Variants in B3GALT1 observed in about 807,000 individuals in gnomAD.
B3GALT1 encodes the protein UDP-Gal:betaGlcNAc beta 1,3-galactosyltransferase, polypeptide 1.
B3GALT1 carries 10 observed loss-of-function variants against 23.2 expected under a neutral mutation model. The ratio of observed to expected loss-of-function variants is 0.43; its 90% CI spans 0.27 to 0.73. The LOEUF (loss-of-function observed/expected upper bound fraction) is 0.73. Among genes scored for constraint, B3GALT1 ranks in the 30% least tolerant of loss-of-function variants. The pLI, the probability that B3GALT1 is intolerant of heterozygous loss-of-function variation, is 0.21. For missense variants in B3GALT1, 299 were observed against 405.4 expected, an observed-to-expected ratio of 0.74 and a Z score of 2.25; for synonymous variants, 156 against 141.5, an observed-to-expected ratio of 1.10 and a Z score of -0.73.
intron 1 of B3GALT1, among the ~76,000 whole-genome samples, chr2:167,440,749 G>C (rs980876431): frequency 1.3e-5 from 2 of 151,400 alleles, no homozygotes; most frequent in Non-Finnish European, 2.9e-5. Flanking sequence ...CTAGTTATTT[G>C]ATCTCTAAAA....
intron 2 of B3GALT1, among the ~76,000 whole-genome samples, chr2:167,564,011 C>A (rs1192662397): frequency 8.7e-5 from 13 of 149,864 alleles, no homozygotes; most frequent in African/African-American, 2.5e-4. Flanking sequence ...CCGACCCTCC[C>A]ACCTCCCTCC....
At chr2:167,544,980 T>C (rs1683604292) in intron 2 of B3GALT1, among the ~76,000 whole-genome samples, 1 of 146,516 alleles carries the variant, frequency 6.8e-6, no homozygotes, top group South Asian at 2.3e-4. Flanking sequence ...AAAGCTTCCA[T>C]GTGGTGGAAG....
intron 1 of B3GALT1, among the ~76,000 whole-genome samples, chr2:167,334,304 C>A (rs1318124876): frequency 6.6e-6 from 1 of 152,162 alleles, no homozygotes; most frequent in East Asian, 1.9e-4. Context: ...TCCTCCTAAT[C>A]TTCTAAGAGG....
chr2:167,402,253 TTAAAAA>T (rs1219652558), intron 1 of B3GALT1, among the ~76,000 whole-genome samples: 14 of 152,220 alleles, frequency 9.2e-5, no homozygotes, highest in African/African-American at 3.1e-4. Context: ...AGTCATCAAC[TTAAAAA>T]TAATAGCGTG....
chr2:167,615,037 G>C (rs1346877773), intron 2 of B3GALT1, among the ~76,000 whole-genome samples: 1 of 151,966 alleles, frequency 6.6e-6, no homozygotes, highest in Admixed American at 6.6e-5. Flanking sequence ...GACTGCCTAA[G>C]CATAGTACCA....
At chr2:167,633,230 A>C (rs553742914) in intron 2 of B3GALT1, among the ~76,000 whole-genome samples, 4 of 151,930 alleles carry the variant, frequency 2.6e-5, no homozygotes, top group Admixed American at 6.6e-5. Flanking sequence ...CAAGACACAT[A>C]ATTGTCAGAT....
chr2:167,377,427 G>T (rs1697782256), intron 1 of B3GALT1, among the ~76,000 whole-genome samples: 1 of 152,082 alleles, frequency 6.6e-6, no homozygotes, highest in Non-Finnish European at 1.5e-5. Flanking sequence ...TGTCATTGGG[G>T]TGTTGAAGTC....
In B3GALT1 at chr2:167,592,584, A is replaced by T. The variant is rs571946324; in HGVS notation, c.-409-54325A>T. ...TTCCATTCACTGAATTCTATGAGCT[A>T]GTTATCAAAGCCAGAAATGTTGCAG... On this transcript the variant is annotated intron_variant, in intron 2 of 4. Coordinates refer to ENST00000392690, the MANE Select transcript of B3GALT1 (RefSeq NM_020981.4). Among the ~76,000 whole-genome samples the T allele has an allele frequency of 5.9e-5, 9 of 152,294 alleles. No homozygotes were observed. The South Asian group carries it at 1.7e-3, about 28-fold the overall frequency.
chr2:167,399,591 T>C (rs1404120815), intron 1 of B3GALT1, among the ~76,000 whole-genome samples: 1 of 152,086 alleles, frequency 6.6e-6, no homozygotes, highest in Non-Finnish European at 1.5e-5. Context: ...TATTTTTGTT[T>C]TTTTCTGATT....
intron 2 of B3GALT1, among the ~76,000 whole-genome samples, chr2:167,500,543 G>C (rs1321577538): frequency 6.6e-6 from 1 of 151,926 alleles, no homozygotes; most frequent in African/African-American, 2.4e-5. Flanking sequence ...GCCATATCCA[G>C]ATTTTCTGGT....
chr2:167,334,765 A>G (rs1414386560), intron 1 of B3GALT1, among the ~76,000 whole-genome samples: 1 of 152,206 alleles, frequency 6.6e-6, no homozygotes, highest in Non-Finnish European at 1.5e-5. Flanking sequence ...TTTTAACAAC[A>G]GAGAGTATTT....
chr2:167,821,379 T>C (rs1175099545), intron 4 of B3GALT1, among the ~76,000 whole-genome samples: 5 of 151,188 alleles, frequency 3.3e-5, no homozygotes, highest in East Asian at 1.9e-4. Context: ...TTATCTTCTT[T>C]GGAAGAAAAG....
intron 2 of B3GALT1, among the ~76,000 whole-genome samples, chr2:167,564,033 G>A (rs1684092235): frequency 6.7e-6 from 1 of 150,326 alleles, no homozygotes. Flanking sequence ...GGACGAGGTG[G>A]CTGCTGGGAG....
intron 1 of B3GALT1, among the ~76,000 whole-genome samples, chr2:167,419,145 T>G (rs1698512154): frequency 6.6e-6 from 1 of 152,216 alleles, no homozygotes; most frequent in African/African-American, 2.4e-5. Context: ...GGAAAATGTA[T>G]TTAAATGATA....
intron 3 of B3GALT1, among the ~76,000 whole-genome samples, chr2:167,775,695 C>T (rs1385825259): frequency 6.6e-6 from 1 of 151,890 alleles, no homozygotes; most frequent in Non-Finnish European, 1.5e-5. Context: ...CACACACACA[C>T]ACACAAACTT....
intron 1 of B3GALT1, among the ~76,000 whole-genome samples, chr2:167,343,151 G>A (rs1369456920): frequency 6.6e-6 from 1 of 152,120 alleles, no homozygotes; most frequent in Non-Finnish European, 1.5e-5. Context: ...CTTTAAGTGG[G>A]AAGCAGGTTG....
intron 2 of B3GALT1, among the ~76,000 whole-genome samples, chr2:167,579,430 G>GTTTTTTTTTTTTTTTTTTTTTTTTTTT (rs1553469287): frequency 1.6e-5 from 1 of 63,624 alleles, no homozygotes; most frequent in Non-Finnish European, 2.5e-5. Context: ...GTTTTTTTTT[G>GTTTTTTTTTTTTTTTTTTTTTTTTTTT]TCTTTTTTTT....
chr2:167,496,639 T>C (rs540781424), intron 2 of B3GALT1, among the ~76,000 whole-genome samples: 79 of 152,294 alleles, frequency 5.2e-4, no homozygotes, highest in African/African-American at 1.7e-3. Context: ...ATCAGGGTGT[T>C]ACGGACTGAA....
intron 2 of B3GALT1, among the ~76,000 whole-genome samples, chr2:167,606,986 G>T (rs1382519418): frequency 6.6e-6 from 1 of 152,172 alleles, no homozygotes; most frequent in African/African-American, 2.4e-5. Flanking sequence ...TGGAGGTGGA[G>T]CAGTTGGCCT....
Sources: gnomAD v4.1 joint callset for allele counts (sites outside exome capture counted in the v4.1 genomes callset) on GRCh38, gnomAD v4.1.1 for gene constraint, MANE v1.5 for transcripts, NCBI Gene and HGNC (gene_info 2026-07-23, HGNC 2026-07-21) for gene names.